Variants in PTGER4 observed in about 807,000 individuals in gnomAD.
PTGER4 encodes the protein prostaglandin E2 receptor EP4 subtype.
Under a neutral mutation model 33.2 loss-of-function variants are expected in PTGER4, and 11 were observed. The observed-to-expected ratio is 0.33, with a 90% CI of 0.21 to 0.55. PTGER4 has a LOEUF of 0.55. Ranked by LOEUF, PTGER4 falls within the 20% of genes least tolerant of loss-of-function variation. PTGER4 has a pLI of 0.92. For missense variants in PTGER4, 481 were observed against 650.2 expected (o/e 0.74, Z 2.83); for synonymous variants, 275 against 281.5 (o/e 0.98, Z 0.23).
chr5:40,695,886 A>G (rs758396638), downstream of PTGER4, among the ~76,000 whole-genome samples: 9 of 152,180 alleles, frequency 5.9e-5, no homozygotes, highest in Non-Finnish European at 1.2e-4. Context: ...ATGGGTACAC[A>G]TGGTCATAAA....
chr5:40,725,935 G>A, the PTGER4 span, among the ~76,000 whole-genome samples: 8 of 151,682 alleles, frequency 5.3e-5, no homozygotes, highest in African/African-American at 7.3e-5. Flanking sequence ...ACAGGCGCCC[G>A]CCACCACGTC....
chr5:40,737,664 T>C, the PTGER4 span, among the ~76,000 whole-genome samples: 1 of 152,218 alleles, frequency 6.6e-6, no homozygotes, highest in African/African-American at 2.4e-5. Flanking sequence ...TATATACTCA[T>C]GTAAATACAA....
the PTGER4 span, chr5:40,728,257 C>T: frequency 2.0e-6 from 2 of 1,005,026 alleles, no homozygotes; most frequent in Non-Finnish European, 2.7e-6. Context: ...GCACTGTACC[C>T]TGGGTGACAT....
chr5:40,687,029 T>C (rs1282729534), intron 2 of PTGER4, among the ~76,000 whole-genome samples: 1 of 151,894 alleles, frequency 6.6e-6, no homozygotes, highest in Non-Finnish European at 1.5e-5. Flanking sequence ...TTCAGTGAGT[T>C]TTTTTGTTTT....
At chr5:40,709,970 A>G in the PTGER4 span, among the ~76,000 whole-genome samples, 1 of 149,054 alleles carries the variant, frequency 6.7e-6, no homozygotes, top group Non-Finnish European at 1.5e-5. Context: ...AACCATAAAA[A>G]CCCTAGAAGA....
At chr5:40,740,307 C>A in the PTGER4 span, among the ~76,000 whole-genome samples, 2 of 151,278 alleles carry the variant, frequency 1.3e-5, no homozygotes, top group Non-Finnish European at 2.9e-5. Context: ...TAAAGAATTT[C>A]TTTTAATATT....
chr5:40,690,610 C>G (rs1402016237), intron 2 of PTGER4, among the ~76,000 whole-genome samples: 3 of 152,180 alleles, frequency 2.0e-5, no homozygotes, highest in Admixed American at 6.5e-5. Flanking sequence ...AAACTATTCT[C>G]TGGTCATTCT....
intron 2 of PTGER4, among the ~76,000 whole-genome samples, chr5:40,686,174 C>T (rs1741319458): frequency 6.6e-6 from 1 of 152,182 alleles, no homozygotes; most frequent in African/African-American, 2.4e-5. Context: ...TGAGCCCATA[C>T]AGATAATTCC....
chr5:40,703,902 CAAAAAAAAAAAAAAAAAAAAAAAAAAAA>C, the PTGER4 span, among the ~76,000 whole-genome samples: 41 of 37,258 alleles, frequency 1.1e-3, no homozygotes, highest in South Asian at 4.7e-3. Context: ...GACGCCGTCT[CAAAAAAAAAAAAAAAAAAAAAAAAAAAA>C]AAAAAAAAAA....
chr5:40,725,439 T>C, the PTGER4 span, among the ~76,000 whole-genome samples: 1 of 152,150 alleles, frequency 6.6e-6, no homozygotes, highest in African/African-American at 2.4e-5. Flanking sequence ...TCATGCAAAA[T>C]ATTAAAACCA....
At position 40,681,586 on chromosome 5, in the gene PTGER4, C is replaced by T; in HGVS notation, c.593C>T (p.Ala198Val). Residue 198 changes from alanine (A) to valine (V), a missense_variant, in exon 2 of 3, where the codon GCC becomes GTC. By Grantham distance (64) the Ala-to-Val change is moderately conservative (BLOSUM62 0). Transcript: ENST00000302472. The surrounding 1 kb of genome is among the most constrained non-coding windows in gnomAD (Gnocchi z 9.8). ...GGCTTCAGCTCCTTCCTCATTCTCG[C>T]CACCGTCCTCTGCAACGTGCTTGTG... ...YAGFSSFLIL[A>V]TVLCNVLVCG... 1 of 1,609,610 alleles carries T rather than the reference C, an allele frequency of 6.2e-7. No individual in the cohort carries two copies. The highest frequency in any genetic ancestry group is 8.5e-7 in the Non-Finnish European group (1 of 1,180,006).
the PTGER4 span, among the ~76,000 whole-genome samples, chr5:40,729,675 A>G: frequency 3.3e-5 from 5 of 152,030 alleles, no homozygotes; most frequent in Admixed American, 3.3e-4. Context: ...AGAGCTCAAC[A>G]GTGACTTTTT....
the PTGER4 span, among the ~76,000 whole-genome samples, chr5:40,708,962 G>A: frequency 2.0e-5 from 3 of 152,138 alleles, no homozygotes; most frequent in African/African-American, 7.2e-5. Context: ...TGCAGAAAAG[G>A]CCTTAGACAA....
At chr5:40,741,717 G>A in the PTGER4 span, among the ~76,000 whole-genome samples, 2 of 152,136 alleles carry the variant, frequency 1.3e-5, no homozygotes, top group Admixed American at 6.5e-5. Context: ...AGCCACGCAC[G>A]GTAGCTCACA....
At chr5:40,715,491 T>C in the PTGER4 span, 1 of 152,430 alleles carries the variant, frequency 6.6e-6, no homozygotes, top group Admixed American at 6.5e-5. Context: ...TTTACACTTT[T>C]ACCAAATACT....
At chr5:40,716,474 G>A in the PTGER4 span, 2 of 1,593,064 alleles carry the variant, frequency 1.3e-6, no homozygotes, top group Non-Finnish European at 1.7e-6. Context: ...TAGATGTGAA[G>A]GGCTACTTGA....
At position 40,690,934 on chromosome 5, in the gene PTGER4, G is replaced by A. The variant is rs868354566; in HGVS notation, c.868-845G>A. On this transcript the variant is annotated intron_variant, in intron 2 of 2. Transcript: ENST00000302472. Reference sequence around the variant, plus strand: ...TTTTGTATACTGTCTTTGCTCTAGGGAAGATAATCATAAGATAGTTACAAA... The same window carrying A: ...TTTTGTATACTGTCTTTGCTCTAGGAAAGATAATCATAAGATAGTTACAAA... 2.6e-5 allele frequency among the ~76,000 whole-genome samples: 4 copies of A among 152,220 alleles called. No individual in the cohort carries two copies. In the South Asian group the frequency reaches 8.3e-4, roughly 31 times the overall value.
chr5:40,733,916 A>C, the PTGER4 span, among the ~76,000 whole-genome samples: 1 of 152,226 alleles, frequency 6.6e-6, no homozygotes, highest in Non-Finnish European at 1.5e-5. Flanking sequence ...ATACACACAC[A>C]CACGTGTAAA....
the PTGER4 span, among the ~76,000 whole-genome samples, chr5:40,745,044 C>A: frequency 6.6e-6 from 1 of 152,134 alleles, no homozygotes; most frequent in Non-Finnish European, 1.5e-5. Flanking sequence ...TTAAATGATA[C>A]ACACAAGGAA....
Sources: gnomAD v4.1 joint callset for allele counts (sites outside exome capture counted in the v4.1 genomes callset) on GRCh38, gnomAD v4.1.1 for gene constraint, Gnocchi (gnomAD v3.1) non-coding constraint, MANE v1.5 for transcripts, NCBI Gene and HGNC (gene_info 2026-07-23, HGNC 2026-07-21) for gene names.